The following RNF157 variants were observed in gnomAD, a reference collection of about 807,000 sequenced individuals.
RNF157 encodes E3 ubiquitin ligase RNF157.
RNF157 carries 55 observed loss-of-function variants against 88.3 expected under a neutral mutation model. That is an observed-to-expected ratio of 0.62 (90% CI 0.50 to 0.78). The LOEUF (loss-of-function observed/expected upper bound fraction) is 0.78. Ranked by LOEUF, RNF157 falls within the 30% of genes least tolerant of loss-of-function variation. The pLI is 0.00. For missense variants in RNF157, 788 were observed against 860.8 expected (o/e 0.92, Z 1.06); for synonymous variants, 334 against 341.2 (o/e 0.98, Z 0.23).
intron 2 of RNF157, chr17:76,211,898 A>G (rs544434022): frequency 2.6e-5 from 4 of 152,612 alleles, no homozygotes; most frequent in African/African-American, 9.6e-5. Context: ...TCATTCAACA[A>G]TCATTTATTA....
rs2068826504 is a variant in RNF157, at chr17:76,160,156, T to TTATA, written c.1066-587_1066-584dup. Among the ~76,000 whole-genome samples, 1 of 152,210 alleles carries TTATA rather than the reference T, an allele frequency of 6.6e-6. No homozygotes were observed. The highest frequency in any genetic ancestry group is 6.5e-5 in the Admixed American group (1 of 15,278). On this transcript the variant is annotated intron_variant, in intron 11 of 18. Coordinates refer to ENST00000269391, the MANE Select transcript of RNF157 (RefSeq NM_052916.3). This position sits in a 1 kb window ranked among gnomAD's most constrained non-coding sequence, Gnocchi z 4.3. ...ATTTTCCTTTGTTTCTGAAGCCTCT[T>TTATA]TATATATGTCCCCTTCTCATAGATC...
chr17:76,217,007 A>G (rs1307912835), intron 1 of RNF157, among the ~76,000 whole-genome samples: 1 of 152,250 alleles, frequency 6.6e-6, no homozygotes, highest in Non-Finnish European at 1.5e-5. Context: ...AAAGTTGGCA[A>G]AATTGTTCTT....
rs2068816394 is a variant in RNF157 at position 76,159,502 on chromosome 17, CG to C, written c.1136del (p.Pro379ArgfsTer97). On this transcript the variant is annotated frameshift_variant, in exon 12 of 19. Transcript: ENST00000269391. LOFTEE classifies it high-confidence loss of function. ...CGTGAAGTGGAGGAACTGCTGGGGA[CG>C]GGGTGAGGGGCCCGTTGAGGGCCTC... is the stretch of plus-strand genomic sequence containing the variant. ...LLEALNGPLT[P>X]SPAVPPLHVL... is the part of the protein sequence containing the mutation. The C allele has an allele frequency of 1.2e-6, 2 of 1,608,746 alleles. No individual in the cohort carries two copies. Among genetic ancestry groups the C allele is most frequent in the Non-Finnish European group, 8.5e-7 (1 of 1,178,252 alleles).
chr17:76,203,271 G>A (rs900004444), intron 2 of RNF157, among the ~76,000 whole-genome samples: 19 of 152,020 alleles, frequency 1.2e-4, no homozygotes, highest in Non-Finnish European at 1.5e-4. Context: ...GACTACAGGC[G>A]TCAGCCATCA....
At chr17:76,224,288 G>A (rs1194053447) in intron 1 of RNF157, among the ~76,000 whole-genome samples, 1 of 151,996 alleles carries the variant, frequency 6.6e-6, no homozygotes, top group Non-Finnish European at 1.5e-5. Flanking sequence ...TTGAGCAATG[G>A]GTTCCCTAAA....
chr17:76,173,812 A>C, intron 2 of RNF157, 22 bp from the exon 3 acceptor site: 1 of 1,574,512 alleles, frequency 6.4e-7, no homozygotes, highest in Non-Finnish European at 8.6e-7. Context: ...ACAAAGCAGG[A>C]GAAGGTGGTG....
Position 76,156,143 on chromosome 17 carries a change from A to C in RNF157, c.1525+67T>G, listed in dbSNP as rs2068759471. ...CCACTCCCATGTCCCTTCCCGGAAG[A>C]AGCACCAGGACACTGTGGGCTGGGT... On this transcript the variant is annotated intron_variant, in intron 14 of 18. Transcript: ENST00000269391. The C allele has an allele frequency of 2.4e-6, 3 of 1,231,466 alleles. No homozygotes were observed. The South Asian group carries it at 3.7e-5, about 15-fold the overall frequency. 76.3% of individuals were successfully genotyped at this position (1,231,466 alleles called of 1,614,324 possible).
chr17:76,149,960 G>A (rs972167166), intron 18 of RNF157, among the ~76,000 whole-genome samples: 3 of 152,186 alleles, frequency 2.0e-5, no homozygotes, highest in Middle Eastern at 6.8e-3. Flanking sequence ...TTGACCCCAG[G>A]AGGTGGAGGT....
At chr17:76,212,238 A>T in intron 2 of RNF157, 126 bp downstream of exon 2, 1 of 682,074 alleles carries the variant, frequency 1.5e-6, no homozygotes, top group Non-Finnish European at 2.7e-6. Context: ...TTTGTCTTCT[A>T]GTGCATCTCT....
At chr17:76,199,552 C>A (rs1201612766) in intron 2 of RNF157, among the ~76,000 whole-genome samples, 1 of 146,130 alleles carries the variant, frequency 6.8e-6, no homozygotes, top group African/African-American at 2.6e-5. Flanking sequence ...CTGTGCCCTG[C>A]CAAAAGCAGC....
chr17:76,204,074 ACTT>A (rs749702535), intron 2 of RNF157, among the ~76,000 whole-genome samples: 7 of 151,984 alleles, frequency 4.6e-5, no homozygotes, highest in Non-Finnish European at 7.4e-5. Flanking sequence ...GCCCATAAAA[ACTT>A]CTTAATACAA....
chr17:76,148,081 C>T (rs550901116), intron 18 of RNF157, among the ~76,000 whole-genome samples: 105 of 152,084 alleles, frequency 6.9e-4, no homozygotes, highest in African/African-American at 2.5e-3. Context: ...TCCTTAGTGC[C>T]CACAAAGTGC....
chr17:76,228,249 C>T (rs1333269217), intron 1 of RNF157, among the ~76,000 whole-genome samples: 1 of 152,166 alleles, frequency 6.6e-6, no homozygotes, highest in Admixed American at 6.5e-5. Flanking sequence ...TAGAGAAAGG[C>T]ACACATCAAT....
chr17:76,231,430 CT>C (rs545634618), intron 1 of RNF157, among the ~76,000 whole-genome samples: 278 of 152,200 alleles, frequency 1.8e-3, no homozygotes, highest in African/African-American at 6.0e-3. Flanking sequence ...CAACTTTTTA[CT>C]GTCTTTTGAG....
At chr17:76,235,179 C>T (rs766267436) in intron 1 of RNF157, among the ~76,000 whole-genome samples, 41 of 151,548 alleles carry the variant, frequency 2.7e-4, no homozygotes, top group Non-Finnish European at 4.6e-4. Flanking sequence ...CCAAATAATT[C>T]CTTATTTTGT....
rs114096989 is a variant in RNF157 at position 76,151,525 on chromosome 17, G to A, written c.1921+830C>T. On this transcript the variant is annotated intron_variant, in intron 18 of 18. Coordinates refer to ENST00000269391, the MANE Select transcript of RNF157 (RefSeq NM_052916.3). ...ATGTTTAAGAGGATTCAAACAACAC[G>A]ATGTGAAGGACAATTTCTGTCGTGA... is the stretch of plus-strand genomic sequence containing the variant. Among the ~76,000 whole-genome samples, 1,506 of 152,312 alleles carry A rather than the reference G, an allele frequency of 9.9e-3. 34 individuals are homozygous for A. Among genetic ancestry groups the A allele is most frequent in the African/African-American group, 0.035 (1,448 of 41,562 alleles).
intron 2 of RNF157, chr17:76,175,772 C>T (rs2069093044): frequency 1.0e-6 from 1 of 985,102 alleles, no homozygotes; most frequent in Admixed American, 6.2e-5. Context: ...AAAGATGCGT[C>T]TTTTCCCTTA....
chr17:76,200,193 G>C (rs1239316101), intron 2 of RNF157, among the ~76,000 whole-genome samples: 1 of 151,876 alleles, frequency 6.6e-6, no homozygotes, highest in East Asian at 1.9e-4. Flanking sequence ...AGTGAGCCAA[G>C]ATCGCGCCAC....
chr17:76,167,468 T>C (rs1299831303), intron 4 of RNF157, among the ~76,000 whole-genome samples, 183 bp downstream of exon 4: 1 of 152,206 alleles, frequency 6.6e-6, no homozygotes, highest in Non-Finnish European at 1.5e-5. Context: ...CCAGATCTCA[T>C]CTGGCTGCAG....
Sources: allele counts gnomAD v4.1 joint callset (sites outside exome capture counted in the v4.1 genomes callset), GRCh38; gene constraint gnomAD v4.1.1; non-coding constraint Gnocchi (gnomAD v3.1); transcripts MANE v1.5; gene names NCBI Gene and HGNC (gene_info 2026-07-23, HGNC 2026-07-21).